The following LAMA2 variants were observed in gnomAD, a reference collection of about 807,000 sequenced individuals.
LAMA2 encodes the protein laminin subunit alpha 2, also known as laminin subunit alpha-2.
Under a neutral mutation model 364.8 loss-of-function variants are expected in LAMA2, and 269 were observed. That is an observed-to-expected ratio of 0.74 (90% confidence interval 0.67 to 0.82). LAMA2 has a LOEUF of 0.82. Ranked by LOEUF, LAMA2 falls within the 40% of genes least tolerant of loss-of-function variation. The pLI, the probability that LAMA2 is intolerant of heterozygous loss-of-function variation, is 0.00. For missense variants in LAMA2, 3,807 were observed against 3,873.2 expected (o/e 0.98, Z 0.45); for synonymous variants, 1,379 against 1,370.6 (o/e 1.01, Z -0.14).
At position 129,179,119 on chromosome 6, in the gene LAMA2, G is replaced by C. The variant is rs540876081; in HGVS notation, c.1467+1253G>C. On this transcript the variant is annotated intron_variant, in intron 10 of 64. Transcript: ENST00000421865. Reference sequence around the variant, plus strand: ...ACCAAGATTGTGTAGCAGTGTGTGAGTGATTGCTTGCTTAAGGACACCTCC... The same window carrying C: ...ACCAAGATTGTGTAGCAGTGTGTGACTGATTGCTTGCTTAAGGACACCTCC... Among the ~76,000 whole-genome samples the C allele has an allele frequency of 2.6e-5, 4 of 151,924 alleles. No homozygotes were observed. The South Asian group carries it at 8.3e-4, about 32-fold the overall frequency.
chr6:129,162,505 C>A (rs1057114797), intron 8 of LAMA2, among the ~76,000 whole-genome samples: 2 of 151,856 alleles, frequency 1.3e-5, no homozygotes, highest in African/African-American at 4.8e-5. Flanking sequence ...ATTTTCTCAA[C>A]TTCCCTTTAT....
chr6:129,377,732 G>T (rs772410686), intron 34 of LAMA2, among the ~76,000 whole-genome samples: 2 of 152,142 alleles, frequency 1.3e-5, no homozygotes, highest in Non-Finnish European at 2.9e-5. Context: ...TCAGTAGTTA[G>T]GTTTGCTCCA....
intron 4 of LAMA2, among the ~76,000 whole-genome samples, chr6:129,121,530 T>C (rs943027634): frequency 1.3e-5 from 2 of 152,198 alleles, no homozygotes; most frequent in African/African-American, 4.8e-5. Flanking sequence ...AAGATCTTCC[T>C]GAATTTTACA....
intron 4 of LAMA2, among the ~76,000 whole-genome samples, chr6:129,107,338 G>C (rs1217006762): frequency 6.6e-6 from 1 of 152,092 alleles, no homozygotes; most frequent in Non-Finnish European, 1.5e-5. Flanking sequence ...TCAAGGTTCA[G>C]TAGCTAACAT....
At chr6:129,438,005 G>T (rs1781918179) in intron 41 of LAMA2, among the ~76,000 whole-genome samples, 1 of 151,480 alleles carries the variant, frequency 6.6e-6, no homozygotes, top group South Asian at 2.1e-4. Flanking sequence ...CTAGCAAATG[G>T]CATTTTTGAA....
chr6:129,439,370 C>A (rs1781989863), intron 42 of LAMA2, among the ~76,000 whole-genome samples: 1 of 151,976 alleles, frequency 6.6e-6, no homozygotes, highest in Non-Finnish European at 1.5e-5. Context: ...AGAGGGACAA[C>A]TGTATTGTCT....
intron 4 of LAMA2, among the ~76,000 whole-genome samples, chr6:129,136,649 T>A (rs944547644): frequency 6.6e-6 from 1 of 152,162 alleles, no homozygotes; most frequent in Non-Finnish European, 1.5e-5. Context: ...CAAATAATCT[T>A]TAAAGAAAAC....
At chr6:129,430,195 G>A (rs2114745276) in intron 41 of LAMA2, among the ~76,000 whole-genome samples, 1 of 152,240 alleles carries the variant, frequency 6.6e-6, no homozygotes, top group East Asian at 1.9e-4. Context: ...TGCTGAAATA[G>A]GCCCTACAGA....
At chr6:129,421,623 A>G (rs531729066) in intron 40 of LAMA2, among the ~76,000 whole-genome samples, 10 of 152,270 alleles carry the variant, frequency 6.6e-5, no homozygotes, top group Middle Eastern at 3.4e-3. Context: ...AATTCCAGTG[A>G]GTTGAAACGG....
Position 129,319,421 on chromosome 6 carries a change from A to G in LAMA2, c.4059-1117A>G, listed in dbSNP as rs73776946. 5.1e-3 allele frequency among the ~76,000 whole-genome samples: 770 copies of G among 152,324 alleles called. 5 individuals carry two copies. Among genetic ancestry groups the G allele is most frequent in the African/African-American group, 0.017 (705 of 41,566 alleles). ...TTTTCAACAGGATATCAGACATCCA[A>G]TATACTAAACTTCTTATGATTTATG... On this transcript the variant is annotated intron_variant, in intron 27 of 64. Coordinates refer to ENST00000421865, the MANE Select transcript of LAMA2 (RefSeq NM_000426.4).
chr6:129,359,759 T>C (rs1418034370), intron 32 of LAMA2, among the ~76,000 whole-genome samples: 1 of 151,748 alleles, frequency 6.6e-6, no homozygotes, highest in African/African-American at 2.4e-5. Context: ...GCTTTCGCCC[T>C]TTCAAAAATA....
At chr6:129,207,916 A>G (rs974201044) in intron 12 of LAMA2, among the ~76,000 whole-genome samples, 3 of 152,222 alleles carry the variant, frequency 2.0e-5, no homozygotes, top group Admixed American at 6.5e-5. Flanking sequence ...GCTTTAGGGA[A>G]AAGGCTGGTT....
At chr6:129,365,952 A>G (rs1777748869) in intron 32 of LAMA2, among the ~76,000 whole-genome samples, 1 of 151,942 alleles carries the variant, frequency 6.6e-6, no homozygotes, top group Admixed American at 6.6e-5. Flanking sequence ...TTTCTCCCCA[A>G]ATCTATTTGC....
intron 1 of LAMA2, among the ~76,000 whole-genome samples, chr6:128,986,664 A>T (rs180687196): frequency 5.9e-5 from 9 of 152,172 alleles, no homozygotes; most frequent in Admixed American, 3.3e-4. Flanking sequence ...ACTTTGAAAG[A>T]TTTCTTAGCC....
rs1784890413 is a variant in LAMA2 at position 129,492,039 on chromosome 6, T to C, written c.8037T>C (p.Pro2679=). ...FQPSPLRNIP[P]FEGCIWNLVI... ...CTTCCCCACTCAGAAATATTCCTCC[T>C]TTTGAAGGCTGCATATGGAATCTTG... The change falls in exon 57 of 65, where the codon CCT becomes CCC. Residue 2679 remains proline (P), a synonymous_variant. Coordinates refer to ENST00000421865, the MANE Select transcript of LAMA2 (RefSeq NM_000426.4). 6.2e-7 allele frequency: 1 copy of C among 1,614,110 alleles called. No individual in the cohort carries two copies. The highest frequency in any genetic ancestry group is 8.5e-7 in the Non-Finnish European group (1 of 1,179,978).
At chr6:128,998,515 C>G (rs1415421527) in intron 1 of LAMA2, among the ~76,000 whole-genome samples, 1 of 108,624 alleles carries the variant, frequency 9.2e-6, no homozygotes, top group East Asian at 2.0e-4. Flanking sequence ...GAGTGCCAGA[C>G]AGTGGGCGCA....
rs201950207 is a variant in LAMA2 at position 129,340,856 on chromosome 6, AAAAAG to A, written c.4312-1465_4312-1461del. 9.0e-3 allele frequency among the ~76,000 whole-genome samples: 1,354 copies of A among 149,708 alleles called. 19 individuals carry two copies. Among genetic ancestry groups the A allele is most frequent in the African/African-American group, 0.029 (1,175 of 40,686 alleles). Reference sequence around the variant, plus strand: ...AAAAAAAAAAAAAAAAAAAAAAGAGAAAAAGAAAAGAAAAGAAAAGAAAAGACTTG... The same window carrying A: ...AAAAAAAAAAAAAAAAAAAAAAGAGAAAAAGAAAAGAAAAGAAAAGACTTG... On this transcript the variant is annotated intron_variant, in intron 29 of 64. Coordinates refer to ENST00000421865, the MANE Select transcript of LAMA2 (RefSeq NM_000426.4).
intron 60 of LAMA2, 114 bp from the exon 61 acceptor site, chr6:129,505,085 CT>C: frequency 1.1e-6 from 1 of 886,466 alleles, no homozygotes; most frequent in Non-Finnish European, 1.9e-6. Flanking sequence ...ATACTAAGCA[CT>C]GTGTACATTG....
chr6:129,454,920 G>A (rs1782876927), intron 47 of LAMA2, among the ~76,000 whole-genome samples: 1 of 152,090 alleles, frequency 6.6e-6, no homozygotes, highest in South Asian at 2.1e-4. Context: ...ACCCAAAGCA[G>A]CTAACAGTTG....
Sources: allele counts gnomAD v4.1 joint callset (sites outside exome capture counted in the v4.1 genomes callset), GRCh38; gene constraint gnomAD v4.1.1; transcripts MANE v1.5; gene names NCBI Gene and HGNC (gene_info 2026-07-23, HGNC 2026-07-21).